Variants in HEMK2 observed in about 807,000 individuals in gnomAD.
HEMK2 encodes HemK methyltransferase 2, ETF1 glutamine and histone H4 lysine, also known as methyltransferase HEMK2.
chr21:28,675,800 GAC>G, the HEMK2 span, among the ~76,000 whole-genome samples: 8 of 152,308 alleles, frequency 5.3e-5, 1 homozygote, highest in African/African-American at 1.9e-4. Flanking sequence ...CTTGGAGTCA[GAC>G]ACACTTTTCC....
the HEMK2 span, among the ~76,000 whole-genome samples, chr21:28,859,785 C>T: frequency 4.6e-5 from 7 of 152,126 alleles, no homozygotes; most frequent in African/African-American, 1.4e-4. Flanking sequence ...CTCAGGCTCA[C>T]ATCCCCCTCC....
chr21:28,616,923 G>T, the HEMK2 span, among the ~76,000 whole-genome samples: 1 of 152,240 alleles, frequency 6.6e-6, no homozygotes, highest in African/African-American at 2.4e-5. Context: ...AAACCATCAG[G>T]TACCAAGCAC....
chr21:28,665,139 G>A, the HEMK2 span, among the ~76,000 whole-genome samples: 109 of 150,048 alleles, frequency 7.3e-4, no homozygotes, highest in East Asian at 7.9e-4. Flanking sequence ...AAAAAAATTA[G>A]CCAGGAGTGG....
chr21:28,684,951 T>A, the HEMK2 span, among the ~76,000 whole-genome samples: 7 of 152,306 alleles, frequency 4.6e-5, no homozygotes, highest in South Asian at 1.5e-3. Context: ...CAGATTTTCA[T>A]CAGTAATGTA....
At chr21:28,866,158 A>AAAAG in the HEMK2 span, among the ~76,000 whole-genome samples, 1 of 92,252 alleles carries the variant, frequency 1.1e-5, no homozygotes, top group African/African-American at 4.4e-5. Context: ...GAAAAAACAA[A>AAAAG]AACAAACAAA....
chr21:28,780,003 T>A, the HEMK2 span, among the ~76,000 whole-genome samples: 4 of 152,154 alleles, frequency 2.6e-5, no homozygotes, highest in African/African-American at 9.7e-5. Context: ...TGTGTCACTT[T>A]AAACAAAAAA....
chr21:28,869,856 G>A, the HEMK2 span, among the ~76,000 whole-genome samples: 1 of 152,192 alleles, frequency 6.6e-6, no homozygotes, highest in Admixed American at 6.5e-5. Context: ...AACATAGACT[G>A]TAAGATCGTG....
chr21:28,711,239 C>T, the HEMK2 span, among the ~76,000 whole-genome samples: 1,759 of 152,250 alleles, frequency 0.012, 24 homozygotes, highest in Middle Eastern at 0.058. Flanking sequence ...AGGAATGAGA[C>T]GCTTTCATTA....
the HEMK2 span, chr21:28,671,068 A>T: frequency 6.6e-6 from 1 of 152,222 alleles, no homozygotes. Context: ...TTTGGGCTTA[A>T]TGGGAGTGTC....
the HEMK2 span, among the ~76,000 whole-genome samples, chr21:28,595,406 T>C: frequency 1.1e-4 from 17 of 152,000 alleles, no homozygotes; most frequent in Non-Finnish European, 2.9e-5. Context: ...GATTTTTAGG[T>C]CCCACAAATA....
At chr21:28,830,419 C>T in the HEMK2 span, among the ~76,000 whole-genome samples, 155 of 152,278 alleles carry the variant, frequency 1.0e-3, 3 homozygotes, top group East Asian at 0.015. Context: ...TCTGCCATGA[C>T]GGTAAGTTTC....
the HEMK2 span, among the ~76,000 whole-genome samples, chr21:28,667,746 G>A: frequency 4.6e-5 from 7 of 152,170 alleles, no homozygotes; most frequent in Non-Finnish European, 1.0e-4. Flanking sequence ...AAGGAAACAA[G>A]TTCTGAAATC....
the HEMK2 span, among the ~76,000 whole-genome samples, chr21:28,629,196 T>A: frequency 1.5e-4 from 23 of 152,302 alleles, no homozygotes; most frequent in Admixed American, 1.5e-3. Flanking sequence ...CTCAAAGACA[T>A]TTGATGCATT....
chr21:28,878,367 C>G, the HEMK2 span: 2 of 1,609,732 alleles, frequency 1.2e-6, no homozygotes, highest in Middle Eastern at 3.3e-4. Flanking sequence ...TTTCTTTTAA[C>G]TCAAGTTTGA....
chr21:28,856,234 G>A, the HEMK2 span, among the ~76,000 whole-genome samples: 1 of 152,042 alleles, frequency 6.6e-6, no homozygotes, highest in Non-Finnish European at 1.5e-5. Context: ...GGCAAACATG[G>A]TGAAACCCTA....
At chr21:28,801,037 G>A in the HEMK2 span, among the ~76,000 whole-genome samples, 1 of 152,214 alleles carries the variant, frequency 6.6e-6, no homozygotes, top group Non-Finnish European at 1.5e-5. Context: ...ACCAGGGTTA[G>A]GACAGATACC....
At chr21:28,865,711 C>CGG in the HEMK2 span, among the ~76,000 whole-genome samples, 2 of 152,104 alleles carry the variant, frequency 1.3e-5, no homozygotes. Flanking sequence ...TCCATGCACT[C>CGG]TTCCCTCTGC....
chr21:28,657,557 C>T, the HEMK2 span, among the ~76,000 whole-genome samples: 2 of 152,010 alleles, frequency 1.3e-5, no homozygotes, highest in African/African-American at 4.8e-5. Context: ...TACAACAACA[C>T]CATGAAAATT....
chr21:28,696,750 C>T, the HEMK2 span, among the ~76,000 whole-genome samples: 1 of 152,238 alleles, frequency 6.6e-6, no homozygotes, highest in Non-Finnish European at 1.5e-5. Flanking sequence ...CACAACTCTA[C>T]CTAGACATCC....
Sources: allele counts gnomAD v4.1 joint callset (sites outside exome capture counted in the v4.1 genomes callset), GRCh38; gene constraint gnomAD v4.1.1; transcripts MANE v1.5; gene names NCBI Gene and HGNC (gene_info 2026-07-23, HGNC 2026-07-21).